The following RALGPS1 variants were observed in gnomAD, a reference collection of about 807,000 sequenced individuals.
RALGPS1 encodes the protein Ral GEF with PH domain and SH3 binding motif 1, also known as ras-specific guanine nucleotide-releasing factor RalGPS1.
Under a neutral mutation model 78.8 loss-of-function variants are expected in RALGPS1, and 19 were observed. The ratio of observed to expected loss-of-function variants is 0.24; its 90% CI spans 0.17 to 0.35. RALGPS1 has a LOEUF of 0.35. RALGPS1 is among the 10% of genes least tolerant of loss of function. RALGPS1 has a pLI of 1.00. For synonymous variants in RALGPS1, 228 were observed against 256.3 expected, an observed-to-expected ratio of 0.89 and a Z score of 1.06; for missense variants, 454 against 688.3, an observed-to-expected ratio of 0.66 and a Z score of 3.81.
At chr9:127,058,716 G>A (rs1344475699) in intron 7 of RALGPS1, among the ~76,000 whole-genome samples, 1 of 152,148 alleles carries the variant, frequency 6.6e-6, no homozygotes, top group Non-Finnish European at 1.5e-5. Flanking sequence ...CCTAGCATAT[G>A]GATGAGTCAC....
At chr9:127,189,185 A>T (rs760685614) in intron 11 of RALGPS1, among the ~76,000 whole-genome samples, 5 of 151,984 alleles carry the variant, frequency 3.3e-5, no homozygotes, top group African/African-American at 7.2e-5. Context: ...AGATTCCCTC[A>T]CCACAAGCAG....
At chr9:126,988,028 G>A (rs1442820658) in intron 4 of RALGPS1, among the ~76,000 whole-genome samples, 3 of 152,208 alleles carry the variant, frequency 2.0e-5, no homozygotes, top group Admixed American at 6.5e-5. Context: ...TTGCATATGG[G>A]TGTTTGGAGA....
chr9:127,168,222 G>A (rs1370347254), intron 9 of RALGPS1, among the ~76,000 whole-genome samples: 1 of 152,210 alleles, frequency 6.6e-6, no homozygotes, highest in Non-Finnish European at 1.5e-5. Context: ...CACCTGGCTG[G>A]ACAGGGTCTG....
chr9:127,181,053 T>C (rs2060186337), intron 11 of RALGPS1, among the ~76,000 whole-genome samples: 2 of 152,196 alleles, frequency 1.3e-5, no homozygotes, highest in South Asian at 4.1e-4. Context: ...ACAGAGCCCT[T>C]ATGAGCCAGC....
chr9:127,079,098 G>A (rs938193407), intron 8 of RALGPS1, among the ~76,000 whole-genome samples: 2 of 152,172 alleles, frequency 1.3e-5, no homozygotes, highest in Admixed American at 1.3e-4. Context: ...ACCAGAACAG[G>A]CCTTTAACCT....
intron 8 of RALGPS1, among the ~76,000 whole-genome samples, chr9:127,113,864 T>C (rs1174490310): frequency 2.6e-5 from 4 of 152,180 alleles, no homozygotes; most frequent in African/African-American, 9.6e-5. Context: ...ACATCATGTG[T>C]CCGCATCCCT....
chr9:126,971,760 CTGAA>C (rs2040144092), intron 3 of RALGPS1, among the ~76,000 whole-genome samples: 1 of 152,076 alleles, frequency 6.6e-6, no homozygotes, highest in African/African-American at 2.4e-5. Flanking sequence ...GGAATTAAGA[CTGAA>C]TGAGGGTTAA....
intron 6 of RALGPS1, among the ~76,000 whole-genome samples, chr9:127,051,245 T>C (rs2048286592): frequency 6.6e-6 from 1 of 152,222 alleles, no homozygotes; most frequent in Non-Finnish European, 1.5e-5. Context: ...GAAAGTAGGA[T>C]GTGGTTCCAT....
chr9:126,962,232 C>T lies in RALGPS1; in HGVS notation c.-58C>T. On this transcript the variant is annotated 5_prime_UTR_variant, in exon 2 of 19. Transcript: ENST00000259351. ...AGCCCCTTTGCCTTGCAGGACTTCT[C>T]CAGACAGGTTATGTTACCTGCAGAG... 1 of 1,583,110 alleles carries T rather than the reference C, an allele frequency of 6.3e-7. No homozygotes were observed.
rs192018472 is a variant in RALGPS1, at chr9:126,938,435, C to T, written c.-66+23460C>T. Among the ~76,000 whole-genome samples the T allele has an allele frequency of 1.6e-3, 243 of 152,262 alleles. 1 individual carries two copies. Among genetic ancestry groups the T allele is most frequent in the Non-Finnish European group, 2.9e-3 (198 of 68,032 alleles). On this transcript the variant is annotated intron_variant, in intron 1 of 18. Coordinates refer to ENST00000259351, the MANE Select transcript of RALGPS1 (RefSeq NM_014636.3). ...GTTAAACCTCCAGCTTCACCATTGA[C>T]GTGATCTGTCTGGGCCCAGCAGGCA...
At chr9:127,046,810 C>T (rs1426253831) in intron 5 of RALGPS1, among the ~76,000 whole-genome samples, 1 of 151,350 alleles carries the variant, frequency 6.6e-6, no homozygotes, top group African/African-American at 2.4e-5. Flanking sequence ...AAAGATAGTT[C>T]TTCACAAGGA....
At chr9:127,202,653 C>G (rs2061696875) in intron 14 of RALGPS1, among the ~76,000 whole-genome samples, 1 of 152,142 alleles carries the variant, frequency 6.6e-6, no homozygotes, top group Non-Finnish European at 1.5e-5. Context: ...TTAGTCACTT[C>G]TGAGCCCCCA....
At chr9:127,182,384 C>T (rs201097871) in intron 11 of RALGPS1, among the ~76,000 whole-genome samples, 102 of 31,728 alleles carry the variant, frequency 3.2e-3, no homozygotes, top group South Asian at 7.2e-3. Context: ...CTCCCTCCCT[C>T]CCTCCCTCCC....
chr9:127,127,304 A>T (rs948417035), intron 8 of RALGPS1, among the ~76,000 whole-genome samples: 2 of 152,084 alleles, frequency 1.3e-5, no homozygotes, highest in African/African-American at 4.8e-5. Context: ...AGGTCTTTTT[A>T]AATTTTTTTA....
At chr9:127,032,481 C>A (rs1564451797) in intron 4 of RALGPS1, among the ~76,000 whole-genome samples, 1 of 152,180 alleles carries the variant, frequency 6.6e-6, no homozygotes. Context: ...TGCCTCAGTC[C>A]TGAAACATCA....
chr9:127,043,254 G>A (rs1368816280), intron 5 of RALGPS1, among the ~76,000 whole-genome samples: 2 of 152,190 alleles, frequency 1.3e-5, no homozygotes, highest in Non-Finnish European at 2.9e-5. Flanking sequence ...GCATGGTATT[G>A]GCGAAAGAAT....
rs2062707203 is a variant in RALGPS1, at chr9:127,219,084, C to T, written c.*315C>T. On this transcript the variant is annotated 3_prime_UTR_variant, in exon 19 of 19. Transcript: ENST00000259351. The surrounding 1 kb of genome is among the most constrained non-coding windows in gnomAD (Gnocchi z 5.0). ...GAGCACCCGGCCCACGTTGGGTTCT[C>T]AGTGCTTTCTACTGCACAGAGTGGA... is the stretch of plus-strand genomic sequence containing the variant. The T allele has an allele frequency of 6.7e-6, 3 of 447,174 alleles. No individual in the cohort carries two copies. The highest frequency in any genetic ancestry group is 6.5e-5 in the South Asian group (3 of 46,418). The allele number at this position is 447,174 out of a possible 1,614,324, so 27.7% of individuals were successfully genotyped here.
intron 2 of RALGPS1, among the ~76,000 whole-genome samples, chr9:126,963,075 AAATC>A (rs1406746991): frequency 2.7e-3 from 406 of 152,330 alleles, no homozygotes; most frequent in African/African-American, 9.2e-3. Flanking sequence ...TCTGGTCCTG[AAATC>A]GGGATAGGTT....
At chr9:127,130,983 A>G (rs1376504170) in intron 8 of RALGPS1, among the ~76,000 whole-genome samples, 4 of 152,160 alleles carry the variant, frequency 2.6e-5, no homozygotes, top group Non-Finnish European at 5.9e-5. Flanking sequence ...TAAAATTTGT[A>G]TTTATTCTTG....
Sources: gnomAD v4.1 joint callset for allele counts (sites outside exome capture counted in the v4.1 genomes callset) on GRCh38, gnomAD v4.1.1 for gene constraint, Gnocchi (gnomAD v3.1) non-coding constraint, MANE v1.5 for transcripts, NCBI Gene and HGNC (gene_info 2026-07-23, HGNC 2026-07-21) for gene names.